Variants in PALM2AKAP2 observed in about 807,000 individuals in gnomAD.
The protein encoded by PALM2AKAP2 is PALM2 and AKAP2 fusion.
In PALM2AKAP2, 37 loss-of-function variants were observed where a neutral mutation model predicts 71.5. The observed-to-expected ratio is 0.52, with a 90% CI of 0.40 to 0.68. PALM2AKAP2 has a LOEUF of 0.68. Among genes scored for constraint, PALM2AKAP2 ranks in the 30% least tolerant of loss-of-function variants. The probability of loss-of-function intolerance (pLI) is 0.00; values close to 1 mark genes in which losing one functional copy is unlikely to be tolerated. For missense variants in PALM2AKAP2, 1,224 were observed against 1,191.8 expected, an observed-to-expected ratio of 1.03 and a Z score of -0.40; for synonymous variants, 468 against 478.8, an observed-to-expected ratio of 0.98 and a Z score of 0.29.
intron 1 of PALM2AKAP2, among the ~76,000 whole-genome samples, chr9:110,111,860 T>C (rs1333325182): frequency 6.6e-6 from 1 of 152,116 alleles, no homozygotes; most frequent in East Asian, 1.9e-4. Flanking sequence ...CAGCTTGAGA[T>C]GTTTGTTGCT....
chr9:109,879,977 C>T (rs545687316), intron 2 of PALM2AKAP2, among the ~76,000 whole-genome samples: 17 of 152,182 alleles, frequency 1.1e-4, no homozygotes, highest in Non-Finnish European at 2.4e-4. Flanking sequence ...GGATTACAGA[C>T]ATCAGCCACG....
At chr9:109,651,052 T>G (rs1056055490) in intron 1 of PALM2AKAP2, among the ~76,000 whole-genome samples, 3 of 152,170 alleles carry the variant, frequency 2.0e-5, no homozygotes, top group African/African-American at 7.2e-5. Context: ...CAAATCCATT[T>G]TCTACCCTTC....
At chr9:109,688,765 A>G (rs536842782) in intron 1 of PALM2AKAP2, among the ~76,000 whole-genome samples, 1 of 152,368 alleles carries the variant, frequency 6.6e-6, no homozygotes, top group African/African-American at 2.4e-5. Flanking sequence ...TATAGGTTGA[A>G]TGAAAGGCAA....
chr9:109,693,978 G>T (rs1266374900), intron 1 of PALM2AKAP2, among the ~76,000 whole-genome samples: 1 of 151,946 alleles, frequency 6.6e-6, no homozygotes, highest in Non-Finnish European at 1.5e-5. Context: ...ACCACCATAT[G>T]ATATGATATT....
chr9:109,725,093 C>CA lies in PALM2AKAP2; in HGVS notation c.6-55387dup, dbSNP rs201408805. Among the ~76,000 whole-genome samples, 289 of 151,130 alleles carry CA rather than the reference C, an allele frequency of 1.9e-3. 3 individuals are homozygous for CA. The highest frequency in any genetic ancestry group is 0.012 in the Admixed American group (188 of 15,204). On this transcript the variant is annotated intron_variant, in intron 1 of 6. Transcript: ENST00000374531. ...TAAGATGCTCAATCTCAATGGCAAT[C>CA]AAAAAAAAGAAAATTAAAATGAGAT... is the stretch of plus-strand genomic sequence containing the variant.
At chr9:109,663,077 T>C (rs12684891) in intron 1 of PALM2AKAP2, among the ~76,000 whole-genome samples, 26,739 of 152,150 alleles carry the variant, frequency 0.18, 2,472 homozygotes, top group Middle Eastern at 0.3. Flanking sequence ...GATTCTTCTC[T>C]CCTTTCTTCT....
intron 1 of PALM2AKAP2, among the ~76,000 whole-genome samples, chr9:109,843,972 C>T (rs774171268): frequency 3.9e-5 from 6 of 152,210 alleles, no homozygotes; most frequent in African/African-American, 7.2e-5. Context: ...CAACCACACC[C>T]GATTCTTTGG....
At chr9:109,903,893 C>T (rs148449437) in intron 3 of PALM2AKAP2, among the ~76,000 whole-genome samples, 181 of 152,210 alleles carry the variant, frequency 1.2e-3, no homozygotes, top group African/African-American at 4.3e-3. Context: ...TTCCTTCTGG[C>T]ATTCAAATGA....
At chr9:109,642,147 T>C (rs1276790699) in intron 1 of PALM2AKAP2, among the ~76,000 whole-genome samples, 3 of 152,084 alleles carry the variant, frequency 2.0e-5, no homozygotes, top group African/African-American at 4.8e-5. Context: ...TTGTAAGATA[T>C]GTACAAATTT....
chr9:109,734,688 T>C (rs1828603689), intron 1 of PALM2AKAP2, among the ~76,000 whole-genome samples: 1 of 152,224 alleles, frequency 6.6e-6, no homozygotes, highest in Non-Finnish European at 1.5e-5. Flanking sequence ...ACATGACTTC[T>C]TCAGCAACGG....
chr9:109,976,725 T>C (rs1832178512), intron 6 of PALM2AKAP2, among the ~76,000 whole-genome samples: 1 of 152,224 alleles, frequency 6.6e-6, no homozygotes, highest in Non-Finnish European at 1.5e-5. Flanking sequence ...AAGTACTTTA[T>C]ATGTGTTATC....
chr9:110,139,440 C>T lies in PALM2AKAP2; in HGVS notation c.2569+901C>T, dbSNP rs535191771. Among the ~76,000 whole-genome samples, 109 of 152,262 alleles carry T rather than the reference C, an allele frequency of 7.2e-4. 1 individual carries two copies. Among genetic ancestry groups the T allele is most frequent in the Middle Eastern group, 3.4e-3 (1 of 294 alleles). On this transcript the variant is annotated intron_variant, in intron 2 of 3. Coordinates refer to ENST00000374525, the Ensembl canonical transcript of PALM2AKAP2. ...ACTGGTTCATTCTAAGTTCAGACAT[C>T]GAGAGTAAGCATTTGAAAACTCCTA...
chr9:109,798,302 T>G (rs756875182), intron 1 of PALM2AKAP2, among the ~76,000 whole-genome samples: 2 of 152,176 alleles, frequency 1.3e-5, no homozygotes, highest in African/African-American at 2.4e-5. Flanking sequence ...CAATATATCT[T>G]TCTGGGGACA....
chr9:109,646,038 A>C (rs1457216349), intron 1 of PALM2AKAP2, among the ~76,000 whole-genome samples: 1 of 152,240 alleles, frequency 6.6e-6, no homozygotes, highest in Non-Finnish European at 1.5e-5. Flanking sequence ...AATCTAGGTA[A>C]TAAACAAGAA....
chr9:110,168,795 T>A (rs1836795178), exon 4 of PALM2AKAP2: 1 of 285,720 alleles, frequency 3.5e-6, no homozygotes, highest in African/African-American at 2.2e-5. Context: ...TACAAGCAAA[T>A]CAACATAGTT....
chr9:110,132,522 G>T (rs184586689), intron 1 of PALM2AKAP2, among the ~76,000 whole-genome samples: 11 of 152,158 alleles, frequency 7.2e-5, no homozygotes, highest in Admixed American at 3.9e-4. Flanking sequence ...TGGAGACAGG[G>T]TTTCACCATG....
At chr9:110,096,346 T>G (rs1834835248) in intron 1 of PALM2AKAP2, among the ~76,000 whole-genome samples, 1 of 152,008 alleles carries the variant, frequency 6.6e-6, no homozygotes, top group African/African-American at 2.4e-5. Flanking sequence ...TCACTGTAGC[T>G]TCAACCTCCT....
intron 1 of PALM2AKAP2, among the ~76,000 whole-genome samples, chr9:109,714,414 G>A (rs1321823417): frequency 6.6e-6 from 1 of 152,136 alleles, no homozygotes; most frequent in Non-Finnish European, 1.5e-5. Context: ...CTCTTGGATG[G>A]TCTTCTTATC....
chr9:110,069,248 G>A (rs1265517685), intron 1 of PALM2AKAP2, among the ~76,000 whole-genome samples: 1 of 152,232 alleles, frequency 6.6e-6, no homozygotes, highest in African/African-American at 2.4e-5. Context: ...TCAGTAACAA[G>A]TCCGACATGG....
Sources: gnomAD v4.1 joint callset for allele counts (sites outside exome capture counted in the v4.1 genomes callset) on GRCh38, gnomAD v4.1.1 for gene constraint, MANE v1.5 for transcripts, NCBI Gene and HGNC (gene_info 2026-07-23, HGNC 2026-07-21) for gene names.